Variants in VPS45 observed in about 807,000 individuals in gnomAD.
VPS45 encodes vacuolar protein sorting-associated protein 45.
A neutral mutation model predicts 75.9 loss-of-function variants in VPS45; 35 were observed. The ratio of observed to expected loss-of-function variants is 0.46; its 90% CI spans 0.35 to 0.61. VPS45 has a LOEUF of 0.61. Ranked by LOEUF, VPS45 falls within the 20% of genes least tolerant of loss-of-function variation. The probability of loss-of-function intolerance (pLI) is 0.00; values close to 1 mark genes in which losing one functional copy is unlikely to be tolerated. For missense variants in VPS45, 559 were observed against 685.9 expected (o/e 0.81, Z 2.07); for synonymous variants, 220 against 238.2 (o/e 0.92, Z 0.70).
chr1:150,140,039 A>G (rs1460716468), intron 14 of VPS45, among the ~76,000 whole-genome samples: 1 of 152,054 alleles, frequency 6.6e-6, no homozygotes, highest in Non-Finnish European at 1.5e-5. Flanking sequence ...GATTACAGGC[A>G]TGCACCACCA....
intron 13 of VPS45, among the ~76,000 whole-genome samples, chr1:150,106,724 T>C (rs1657346266): frequency 1.3e-5 from 2 of 152,212 alleles, no homozygotes; most frequent in South Asian, 4.1e-4. Flanking sequence ...TCAATTTTCT[T>C]TTGTTAAATA....
At chr1:150,071,156 CAAATT>C (rs756424667) in intron 2 of VPS45, among the ~76,000 whole-genome samples, 160 of 151,904 alleles carry the variant, frequency 1.1e-3, no homozygotes, top group Non-Finnish European at 1.8e-3. Flanking sequence ...ATTTTTAAAA[CAAATT>C]AATATGTTTA....
At chr1:150,076,497 CAGA>C in intron 4 of VPS45, 185 bp downstream of exon 4, 1 of 486,058 alleles carries the variant, frequency 2.1e-6, no homozygotes, top group East Asian at 3.4e-5. Context: ...TTGAATTTTT[CAGA>C]AGGATGTGAT....
intron 12 of VPS45, 105 bp from the exon 13 acceptor site, chr1:150,093,422 A>T: frequency 7.9e-7 from 1 of 1,272,408 alleles, no homozygotes; most frequent in Non-Finnish European, 1.1e-6. Context: ...AATCTATCCC[A>T]TGAAATCTCT....
intron 14 of VPS45, among the ~76,000 whole-genome samples, chr1:150,132,686 C>T (rs1553812639): frequency 1.3e-5 from 2 of 152,154 alleles, no homozygotes; most frequent in African/African-American, 2.4e-5. Flanking sequence ...TGGTCTTGTT[C>T]GAAGCAGTGT....
chr1:150,132,320 T>C (rs1553812562), intron 14 of VPS45, among the ~76,000 whole-genome samples: 3 of 152,150 alleles, frequency 2.0e-5, no homozygotes, highest in African/African-American at 7.2e-5. Flanking sequence ...GTTAAAAATG[T>C]AAGGAAAAAC....
chr1:150,145,086 T>G lies in VPS45; in HGVS notation c.*290T>G. On this transcript the variant is annotated 3_prime_UTR_variant, in exon 15 of 15. Coordinates refer to ENST00000644510, the MANE Select transcript of VPS45 (RefSeq NM_007259.5). ...TTGGGATCTGACTTGGGGAAAGGGT[T>G]ATCAGAGCCTAGAGGGGCTTAAAAA... The G allele has an allele frequency of 1.5e-6, 1 of 683,192 alleles. No individual in the cohort carries two copies. Among genetic ancestry groups the G allele is most frequent in the Non-Finnish European group, 2.4e-6 (1 of 413,566 alleles). 42.3% of individuals were successfully genotyped at this position (683,192 alleles called of 1,614,324 possible). A position where few individuals can be genotyped will look rare whatever the true frequency, so the allele number is the denominator to read the frequency against.
At position 150,067,797 on chromosome 1, in the gene VPS45, G is replaced by A; in HGVS notation, c.-61G>A. 1 of 1,550,010 alleles carries A rather than the reference G, an allele frequency of 6.5e-7. No homozygotes were observed. The highest frequency in any genetic ancestry group is 1.1e-5 in the South Asian group (1 of 89,006). ...AGCTGAGACCCGGCCAACAGACTGG[G>A]GGTTAATTTAGCCAGAAAAGGGGGC... On this transcript the variant is annotated 5_prime_UTR_variant, in exon 1 of 15. Coordinates refer to ENST00000644510, the MANE Select transcript of VPS45 (RefSeq NM_007259.5).
At chr1:150,081,529 A>G in intron 8 of VPS45, 53 bp downstream of exon 8, 1 of 1,566,006 alleles carries the variant, frequency 6.4e-7, no homozygotes, top group African/African-American at 1.4e-5. Flanking sequence ...ATGTAAGAAG[A>G]TCAATATTGG....
chr1:150,114,787 TGTG>T (rs782500626), intron 14 of VPS45, among the ~76,000 whole-genome samples: 7 of 151,662 alleles, frequency 4.6e-5, no homozygotes, highest in Non-Finnish European at 8.8e-5. Context: ...AGCATGTGTC[TGTG>T]GTCCCAGCTA....
chr1:150,106,530 A>T (rs1553805780), intron 13 of VPS45, among the ~76,000 whole-genome samples: 1 of 152,210 alleles, frequency 6.6e-6, no homozygotes, highest in East Asian at 1.9e-4. Flanking sequence ...ATATCATCTT[A>T]CGCTAGTCAG....
rs587750310 is a variant in VPS45 at position 150,079,036 on chromosome 1, G to C, written c.687+1257G>C. On this transcript the variant is annotated intron_variant, in intron 7 of 14. Coordinates refer to ENST00000644510, the MANE Select transcript of VPS45 (RefSeq NM_007259.5). ...TGAGGCAGGAGAATCACTTGAACCT[G>C]GGAGGCAGAGGTTGCAGTGAACCGA... 7.3e-5 allele frequency among the ~76,000 whole-genome samples: 11 copies of C among 150,456 alleles called. No individual in the cohort carries two copies. In the East Asian group the frequency reaches 2.2e-3, roughly 30 times the overall value.
chr1:150,071,328 T>C lies in VPS45; in HGVS notation c.229-838T>C, dbSNP rs1384136736. Among the ~76,000 whole-genome samples the C allele has an allele frequency of 1.3e-5, 2 of 152,218 alleles. 1 individual carries two copies. On this transcript the variant is annotated intron_variant, in intron 2 of 14. Coordinates refer to ENST00000644510, the MANE Select transcript of VPS45 (RefSeq NM_007259.5). Reference sequence around the variant, plus strand: ...CATACTTTATTTTAAAACAATGTAATTGTAGAAAAGATCTTAGCCTGCTAC... The same window carrying C: ...CATACTTTATTTTAAAACAATGTAACTGTAGAAAAGATCTTAGCCTGCTAC...
chr1:150,100,343 C>CA (rs1199142253), intron 13 of VPS45, among the ~76,000 whole-genome samples: 2 of 152,158 alleles, frequency 1.3e-5, no homozygotes, highest in Non-Finnish European at 2.9e-5. Flanking sequence ...AAGCCACAAA[C>CA]AAATGGAAAA....
chr1:150,098,784 GA>G, intron 13 of VPS45: 2 of 995,892 alleles, frequency 2.0e-6, no homozygotes, highest in Non-Finnish European at 2.7e-6. Context: ...AATTGGATTT[GA>G]TCATTCTGCA....
intron 14 of VPS45, among the ~76,000 whole-genome samples, chr1:150,127,947 T>A (rs1553811157): frequency 6.6e-6 from 1 of 152,194 alleles, no homozygotes; most frequent in Admixed American, 6.5e-5. Context: ...ATTTTAAGAA[T>A]TTTATCATTC....
At position 150,130,198 on chromosome 1, in the gene VPS45, C is replaced by CTTTTTTTT. The variant is rs34302545; in HGVS notation, c.1626-14498_1626-14491dup. On this transcript the variant is annotated intron_variant, in intron 14 of 14. Transcript: ENST00000644510. ...TATCTATATATAATACACACACACA[C>CTTTTTTTT]TTTTTTTTTTTTTTTTTTTTGAGAG... Among the ~76,000 whole-genome samples the CTTTTTTTT allele has an allele frequency of 3.7e-4, 32 of 86,322 alleles. 1 individual carries two copies. Among genetic ancestry groups the CTTTTTTTT allele is most frequent in the East Asian group, 6.5e-4 (2 of 3,100 alleles). 56.6% of individuals were successfully genotyped at this position (86,322 alleles called of 152,430 possible). A position where few individuals can be genotyped will look rare whatever the true frequency, so the allele number is the denominator to read the frequency against.
chr1:150,077,312 T>C (rs1553798345), intron 6 of VPS45, 81 bp downstream of exon 6: 2 of 1,513,872 alleles, frequency 1.3e-6, no homozygotes, highest in African/African-American at 2.8e-5. Flanking sequence ...AAGGAATAGT[T>C]TATTTACAAC....
intron 7 of VPS45, among the ~76,000 whole-genome samples, chr1:150,078,972 G>A (rs782256021): frequency 2.6e-5 from 4 of 151,572 alleles, no homozygotes; most frequent in Non-Finnish European, 4.4e-5. Flanking sequence ...TTAGCTGGAC[G>A]TGGTGGCAGA....
Sources: allele counts gnomAD v4.1 joint callset (sites outside exome capture counted in the v4.1 genomes callset), GRCh38; gene constraint gnomAD v4.1.1; transcripts MANE v1.5; gene names NCBI Gene and HGNC (gene_info 2026-07-23, HGNC 2026-07-21).